Variants in MTAP observed in about 807,000 individuals in gnomAD.
MTAP encodes the protein S-methyl-5'-thioadenosine phosphorylase.
In MTAP, 33 loss-of-function variants were observed where a neutral mutation model predicts 33.6. The observed-to-expected ratio is 0.98, with a 90% CI of 0.74 to 1.31. The LOEUF is 1.31. Among genes scored for constraint, MTAP ranks in the 40% most tolerant of loss-of-function variants. MTAP has a pLI of 0.00. For synonymous variants in MTAP, 148 were observed against 125.7 expected, an observed-to-expected ratio of 1.18 and a Z score of -1.19; for missense variants, 367 against 360.0, an observed-to-expected ratio of 1.02 and a Z score of -0.16.
At chr9:21,913,958 A>C (rs1022211821) in intron 1 of MTAP, among the ~76,000 whole-genome samples, 19 of 152,230 alleles carry the variant, frequency 1.2e-4, no homozygotes, top group Non-Finnish European at 2.1e-4. Context: ...ACCCCATCAA[A>C]AAGTGGGCAA....
At chr9:21,940,263 C>T (rs1563877653), downstream of MTAP, among the ~76,000 whole-genome samples, 1 of 152,156 alleles carries the variant, frequency 6.6e-6, no homozygotes, top group African/African-American at 2.4e-5. Flanking sequence ...TTAAAAGTCC[C>T]AGCAAAGTAT....
At chr9:21,880,474 C>T (rs1227206830) in intron 1 of MTAP, among the ~76,000 whole-genome samples, 1 of 152,024 alleles carries the variant, frequency 6.6e-6, no homozygotes, top group East Asian at 1.9e-4. Context: ...AATTCCCAGA[C>T]AACATAATCT....
intron 1 of MTAP, among the ~76,000 whole-genome samples, chr9:21,905,299 C>T (rs1001990337): frequency 6.6e-6 from 1 of 152,072 alleles, no homozygotes. Context: ...AGTGTCTTAG[C>T]GTCCAGTTGC....
chr9:21,834,946 G>A (rs1202291420), intron 4 of MTAP, among the ~76,000 whole-genome samples: 1 of 152,186 alleles, frequency 6.6e-6, no homozygotes, highest in African/African-American at 2.4e-5. Flanking sequence ...AAGCAAGGGT[G>A]TATATGTGTG....
intron 4 of MTAP, among the ~76,000 whole-genome samples, chr9:21,825,997 A>G (rs7867176): frequency 0.2 from 30,082 of 151,946 alleles, 3,816 homozygotes; most frequent in African/African-American, 0.35. Flanking sequence ...TTGTGTTTTT[A>G]GAACTTTCTT....
intron 1 of MTAP, among the ~76,000 whole-genome samples, chr9:21,875,380 G>A (rs1446291536): frequency 1.3e-5 from 2 of 152,068 alleles, no homozygotes; most frequent in East Asian, 1.9e-4. Flanking sequence ...TTTGTTGACT[G>A]CATAAATGTC....
intron 6 of MTAP, among the ~76,000 whole-genome samples, chr9:21,855,542 T>C (rs1237929904): frequency 6.6e-6 from 1 of 151,670 alleles, no homozygotes; most frequent in Non-Finnish European, 1.5e-5. Flanking sequence ...GGAGGGAGAC[T>C]GGGGAGAAGG....
chr9:21,901,719 A>T (rs1295465706), intron 1 of MTAP, among the ~76,000 whole-genome samples: 1 of 152,194 alleles, frequency 6.6e-6, no homozygotes, highest in South Asian at 2.1e-4. Context: ...TGCCACAAGG[A>T]GGAAATGAGG....
chr9:21,846,869 G>GGT (rs1587242015), intron 5 of MTAP, among the ~76,000 whole-genome samples: 2 of 152,250 alleles, frequency 1.3e-5, no homozygotes, highest in East Asian at 1.9e-4. Context: ...AAGAAAATAT[G>GGT]GTATATATAC....
chr9:21,804,366 C>T (rs567775320), intron 1 of MTAP, among the ~76,000 whole-genome samples: 11 of 152,312 alleles, frequency 7.2e-5, no homozygotes, highest in Non-Finnish European at 1.5e-4. Context: ...TTACTTTAAT[C>T]TGGTTAGCAT....
intron 1 of MTAP, among the ~76,000 whole-genome samples, chr9:21,913,151 C>A (rs1268829991): frequency 6.6e-6 from 1 of 152,202 alleles, no homozygotes; most frequent in Non-Finnish European, 1.5e-5. Context: ...AATAGAAGAA[C>A]ATTCCATGCT....
chr9:21,808,198 G>A (rs1372935419), intron 1 of MTAP, among the ~76,000 whole-genome samples: 2 of 152,210 alleles, frequency 1.3e-5, no homozygotes, highest in Admixed American at 1.3e-4. Context: ...GCTTTGGAAA[G>A]GGTGGCCATC....
intron 5 of MTAP, among the ~76,000 whole-genome samples, 155 bp from the exon 6 acceptor site, chr9:21,854,476 C>T (rs1825588535): frequency 6.6e-6 from 1 of 152,132 alleles, no homozygotes; most frequent in Non-Finnish European, 1.5e-5. Flanking sequence ...TTCTGTGGTC[C>T]TCTAGGTTTT....
chr9:21,838,191 C>G (rs1370185013), intron 5 of MTAP, among the ~76,000 whole-genome samples, 181 bp downstream of exon 5: 1 of 152,198 alleles, frequency 6.6e-6, no homozygotes, highest in Non-Finnish European at 1.5e-5. Flanking sequence ...CTCTGTTACT[C>G]TCAGTCATTT....
intron 1 of MTAP, among the ~76,000 whole-genome samples, chr9:21,894,751 A>AAT (rs564121129): frequency 1.3e-4 from 19 of 151,750 alleles, no homozygotes; most frequent in South Asian, 6.3e-4. Context: ...GTAATTAAAA[A>AAT]ATATATATAT....
At chr9:21,860,002 A>G (rs1038426984) in intron 7 of MTAP, 2 of 152,216 alleles carry the variant, frequency 1.3e-5, no homozygotes, top group African/African-American at 4.8e-5. Flanking sequence ...CCACATAGGG[A>G]AAGACTTGTC....
At chr9:21,936,109 G>A (rs770221032), downstream of MTAP, 11 of 152,202 alleles carry the variant, frequency 7.2e-5, no homozygotes, top group African/African-American at 2.2e-4. Context: ...AAAGATCAAT[G>A]TATAGGAGAT....
chr9:21,821,692 A>G (rs1824644796), intron 4 of MTAP, among the ~76,000 whole-genome samples: 1 of 152,184 alleles, frequency 6.6e-6, no homozygotes. Context: ...ATAGTTTCAG[A>G]AGGAATGGTA....
chr9:21,874,058 G>C (rs528371310), intron 1 of MTAP, among the ~76,000 whole-genome samples: 2 of 152,260 alleles, frequency 1.3e-5, no homozygotes, highest in South Asian at 4.2e-4. Flanking sequence ...TAGCTGCTCT[G>C]TTTGACCTCA....
Sources: gnomAD v4.1 joint callset for allele counts (sites outside exome capture counted in the v4.1 genomes callset) on GRCh38, gnomAD v4.1.1 for gene constraint, MANE v1.5 for transcripts, NCBI Gene and HGNC (gene_info 2026-07-23, HGNC 2026-07-21) for gene names.